TLL1: variants seen among roughly 807,000 people sequenced by gnomAD.
The protein encoded by TLL1 is tolloid like 1.
Under a neutral mutation model 128.2 loss-of-function variants are expected in TLL1, and 49 were observed. The observed-to-expected ratio is 0.38, with a 90% CI of 0.30 to 0.48. The LOEUF is 0.48. Among genes scored for constraint, TLL1 ranks in the 20% least tolerant of loss-of-function variants. TLL1 has a pLI of 0.96. For missense variants in TLL1, 1,123 were observed against 1,242.0 expected (o/e 0.90, Z 1.44); for synonymous variants, 454 against 418.8 (o/e 1.08, Z -1.03).
At chr4:165,954,990 T>A (rs2110946906) in intron 1 of TLL1, among the ~76,000 whole-genome samples, 1 of 152,198 alleles carries the variant, frequency 6.6e-6, no homozygotes, top group Admixed American at 6.6e-5. Flanking sequence ...TAGACAGAAT[T>A]AAGATTCAGG....
At chr4:166,078,981 T>G (rs757871210) in intron 18 of TLL1, among the ~76,000 whole-genome samples, 1 of 152,204 alleles carries the variant, frequency 6.6e-6, no homozygotes, top group Non-Finnish European at 1.5e-5. Flanking sequence ...AACATTATAA[T>G]AAAATCAGAG....
intron 19 of TLL1, among the ~76,000 whole-genome samples, chr4:166,096,397 A>T (rs1742024426): frequency 6.7e-6 from 1 of 150,358 alleles, no homozygotes; most frequent in Non-Finnish European, 1.5e-5. Context: ...CATTTTTTTT[A>T]AATGTAGGCC....
chr4:165,923,421 CTTT>C lies in TLL1; in HGVS notation c.169+49371_169+49373del, dbSNP rs758162016. 6.2e-4 allele frequency among the ~76,000 whole-genome samples: 44 copies of C among 70,834 alleles called. No homozygotes were observed. In the East Asian group the frequency reaches 0.018, roughly 29 times the overall value. 46.5% of individuals were successfully genotyped at this position (70,834 alleles called of 152,430 possible). ...AAGTGCATCGGAAATATAGGTATACCTTTTTTTTTTTTTTTTTTTTTTTTTGAG... is the reference window on the plus strand; with the variant it reads ...AAGTGCATCGGAAATATAGGTATACCTTTTTTTTTTTTTTTTTTTTTTGAG... On this transcript the variant is annotated intron_variant, in intron 1 of 20. Transcript: ENST00000061240.
At chr4:166,001,125 C>T (rs1013073549) in intron 5 of TLL1, among the ~76,000 whole-genome samples, 1 of 152,002 alleles carries the variant, frequency 6.6e-6, no homozygotes, top group African/African-American at 2.4e-5. Context: ...TAGTGAAATT[C>T]CTTTTAATCA....
intron 1 of TLL1, among the ~76,000 whole-genome samples, chr4:165,968,675 G>T (rs1290234623): frequency 6.6e-6 from 1 of 152,146 alleles, no homozygotes; most frequent in Non-Finnish European, 1.5e-5. Flanking sequence ...AGGGGGAGAT[G>T]ATGAGTTTTG....
chr4:165,948,776 G>T (rs1038403671), intron 1 of TLL1, among the ~76,000 whole-genome samples: 1 of 152,126 alleles, frequency 6.6e-6, no homozygotes, highest in Non-Finnish European at 1.5e-5. Flanking sequence ...TTCAATAAGG[G>T]TTTTGGAGGG....
At chr4:166,064,807 G>A (rs1740496724) in intron 15 of TLL1, among the ~76,000 whole-genome samples, 1 of 152,066 alleles carries the variant, frequency 6.6e-6, no homozygotes, top group South Asian at 2.1e-4. Flanking sequence ...TTCCCTAGCA[G>A]CATTTTGCTT....
At chr4:165,936,209 T>TTTTC (rs1404234966) in intron 1 of TLL1, among the ~76,000 whole-genome samples, 24 of 148,426 alleles carry the variant, frequency 1.6e-4, no homozygotes, top group Non-Finnish European at 2.7e-4. Flanking sequence ...TATATATATT[T>TTTTC]TTTTTTCTTT....
chr4:166,099,693 T>G (rs1007362753), intron 20 of TLL1, among the ~76,000 whole-genome samples, 166 bp downstream of exon 20: 1 of 151,606 alleles, frequency 6.6e-6, no homozygotes, highest in Non-Finnish European at 1.5e-5. Context: ...GTCTCTACCC[T>G]TATCACTTCT....
chr4:166,045,101 T>C (rs1237845888), intron 12 of TLL1, among the ~76,000 whole-genome samples: 1 of 152,224 alleles, frequency 6.6e-6, no homozygotes, highest in Non-Finnish European at 1.5e-5. Flanking sequence ...CAGTGATGAC[T>C]ACAGTTTATG....
intron 2 of TLL1, among the ~76,000 whole-genome samples, chr4:165,992,040 A>T (rs1406111817): frequency 6.6e-6 from 1 of 152,028 alleles, no homozygotes; most frequent in Admixed American, 6.6e-5. Context: ...ATGCTTTCTG[A>T]CTTATGACAG....
rs34063206 is a variant in TLL1 at position 166,077,229 on chromosome 4, T to TAAAA, written c.2315-663_2315-660dup. Reference sequence around the variant, plus strand: ...GTCTAAAATGAGGTTATTTTAATTGTAAAAAAAAAAAAAACCCTTAAGTAA... The same window carrying TAAAA: ...GTCTAAAATGAGGTTATTTTAATTGTAAAAAAAAAAAAAAAAAACCCTTAAGTAA... On this transcript the variant is annotated intron_variant, in intron 17 of 20. Transcript: ENST00000061240. Among the ~76,000 whole-genome samples, 596 of 145,976 alleles carry TAAAA rather than the reference T, an allele frequency of 4.1e-3. 7 individuals carry two copies. The highest frequency in any genetic ancestry group is 0.014 in the African/African-American group (567 of 40,052).
At position 165,911,147 on chromosome 4, in the gene TLL1, CTG is replaced by C. The variant is rs1050175249; in HGVS notation, c.169+37078_169+37079del. Among the ~76,000 whole-genome samples, 6 of 152,298 alleles carry C rather than the reference CTG, an allele frequency of 3.9e-5. 1 individual carries two copies. Among genetic ancestry groups the C allele is most frequent in the Admixed American group, 6.5e-5 (1 of 15,296 alleles). ...ACTAGAACTTATTCCTTCTATCTAA[CTG>C]TGTTTTGTTGCCCATTAACCAATCT... On this transcript the variant is annotated intron_variant, in intron 1 of 20. Coordinates refer to ENST00000061240, the MANE Select transcript of TLL1 (RefSeq NM_012464.5).
intron 12 of TLL1, among the ~76,000 whole-genome samples, chr4:166,044,894 C>T (rs1739393870): frequency 6.6e-6 from 1 of 152,178 alleles, no homozygotes. Context: ...TTCCATCAGC[C>T]TGAAAACTGA....
intron 15 of TLL1, 49 bp downstream of exon 15, chr4:166,060,237 T>G: frequency 6.3e-7 from 1 of 1,579,554 alleles, no homozygotes; most frequent in Non-Finnish European, 8.7e-7. Context: ...TGGAACTCCC[T>G]GAAGGCAAAC....
intron 15 of TLL1, among the ~76,000 whole-genome samples, chr4:166,061,470 C>A (rs1740310932): frequency 6.6e-6 from 1 of 152,066 alleles, no homozygotes; most frequent in South Asian, 2.1e-4. Context: ...ATCTCGAATT[C>A]TTGACTTCAA....
chr4:166,099,209 A>C, intron 19 of TLL1, 68 bp from the exon 20 acceptor site: 1 of 1,607,448 alleles, frequency 6.2e-7, no homozygotes, highest in Non-Finnish European at 8.5e-7. Context: ...CTGAAACTAC[A>C]CTGAAATTTA....
rs755659453 is a variant in TLL1, at chr4:166,039,366, C to G, written c.1186C>G (p.Leu396Val). The G allele has an allele frequency of 2.5e-6, 4 of 1,613,284 alleles. No homozygotes were observed. The South Asian group carries it at 4.4e-5, about 18-fold the overall frequency. ...KIVLNFTTMD[L>V]YKSSLCWYDY... The stretch of plus-strand genomic sequence containing the variant: ...TGTTTTAAATTTTACAACGATGGAT[C>G]TATACAAGAGTAGTTTGTGCTGGTA... Residue 396 changes from leucine to valine, a missense_variant, in exon 10 of 21, where the codon CTA becomes GTA. This residue lies in a region of TLL1 where 480 missense variants were observed against 542.4 expected (regional missense o/e 0.89). Coordinates refer to ENST00000061240, the MANE Select transcript of TLL1 (RefSeq NM_012464.5).
intron 1 of TLL1, among the ~76,000 whole-genome samples, chr4:165,910,637 A>C (rs1460136950): frequency 6.6e-6 from 1 of 152,198 alleles, no homozygotes; most frequent in Non-Finnish European, 1.5e-5. Context: ...TGATGTTTTC[A>C]TGAAAATCAG....
Sources: allele counts gnomAD v4.1 joint callset (sites outside exome capture counted in the v4.1 genomes callset), GRCh38; gene constraint gnomAD v4.1.1; regional missense constraint gnomAD v4.1.1; transcripts MANE v1.5; gene names NCBI Gene and HGNC (gene_info 2026-07-23, HGNC 2026-07-21).